The following DCLK1 variants were observed in gnomAD, a reference collection of about 807,000 sequenced individuals.
DCLK1 encodes serine/threonine-protein kinase DCLK1.
DCLK1 carries 16 observed loss-of-function variants against 86.2 expected under a neutral mutation model. That is an observed-to-expected ratio of 0.19 (90% CI 0.13 to 0.28). The LOEUF (loss-of-function observed/expected upper bound fraction) is 0.28. Ranked by LOEUF, DCLK1 falls within the 10% of genes least tolerant of loss-of-function variation. The probability of loss-of-function intolerance (pLI) is 1.00; values close to 1 mark genes in which losing one functional copy is unlikely to be tolerated. For synonymous variants in DCLK1, 369 were observed against 370.5 expected (o/e 1.00, Z 0.05); for missense variants, 590 against 940.2 (o/e 0.63, Z 4.87).
intron 3 of DCLK1, among the ~76,000 whole-genome samples, chr13:35,980,107 G>A (rs1284089971): frequency 1.3e-5 from 2 of 152,082 alleles, no homozygotes; most frequent in African/African-American, 2.4e-5. Flanking sequence ...CATCACCACC[G>A]CTGGTCTTCA....
rs114201115 is a variant in DCLK1, at chr13:35,900,550, A to G, written c.824-29210T>C. On this transcript the variant is annotated intron_variant, in intron 4 of 16. Transcript: ENST00000360631. ...ATGAGCCACCATGCTGGGCCTAAATAAACATTTTATAAAAACTACTCACCA... is the reference window on the plus strand; with the variant it reads ...ATGAGCCACCATGCTGGGCCTAAATGAACATTTTATAAAAACTACTCACCA... Among the ~76,000 whole-genome samples the G allele has an allele frequency of 9.4e-3, 1,435 of 152,218 alleles. 25 individuals are homozygous for G. The highest frequency in any genetic ancestry group is 0.032 in the African/African-American group (1,336 of 41,540).
At chr13:35,999,111 TG>T (rs527824525) in intron 3 of DCLK1, among the ~76,000 whole-genome samples, 3 of 152,008 alleles carry the variant, frequency 2.0e-5, no homozygotes, top group Non-Finnish European at 4.4e-5. Flanking sequence ...AAAAATTAAC[TG>T]AATGCAGTAG....
chr13:35,966,398 G>A lies in DCLK1; in HGVS notation c.724-18941C>T, dbSNP rs540147801. ...AGTAGAAACAATCCAAATATTCATT[G>A]ATGGATGAATGGATAAACAAAATAT... On this transcript the variant is annotated intron_variant, in intron 3 of 16. Transcript: ENST00000360631. 8.5e-5 allele frequency among the ~76,000 whole-genome samples: 13 copies of A among 152,266 alleles called. 1 individual carries two copies. In the South Asian group the frequency reaches 2.3e-3, roughly 27 times the overall value.
At chr13:35,875,657 T>C (rs1872546916) in intron 4 of DCLK1, among the ~76,000 whole-genome samples, 1 of 152,208 alleles carries the variant, frequency 6.6e-6, no homozygotes, top group Non-Finnish European at 1.5e-5. Flanking sequence ...TTGCTTCTCC[T>C]GAACTGAGTT....
chr13:35,923,988 G>C (rs1875954306), intron 4 of DCLK1, among the ~76,000 whole-genome samples: 1 of 152,148 alleles, frequency 6.6e-6, no homozygotes, highest in East Asian at 1.9e-4. Context: ...ATAAGGATCT[G>C]GGTATTTCAG....
intron 4 of DCLK1, among the ~76,000 whole-genome samples, chr13:35,922,880 C>T (rs1202763463): frequency 1.3e-5 from 2 of 152,142 alleles, no homozygotes; most frequent in African/African-American, 4.8e-5. Context: ...TCTAAGCCCC[C>T]TGCCATCCCT....
At chr13:35,843,706 G>A (rs1869982490) in intron 6 of DCLK1, among the ~76,000 whole-genome samples, 1 of 152,148 alleles carries the variant, frequency 6.6e-6, no homozygotes, top group South Asian at 2.1e-4. Flanking sequence ...CTGGATAATT[G>A]CACCATTTCC....
At chr13:36,120,009 A>G (rs1240200047) in intron 2 of DCLK1, among the ~76,000 whole-genome samples, 2 of 152,232 alleles carry the variant, frequency 1.3e-5, no homozygotes, top group Non-Finnish European at 2.9e-5. Context: ...ATCTGAAAAT[A>G]TAATGTTAAA....
At chr13:35,894,719 T>G (rs908107434) in intron 4 of DCLK1, among the ~76,000 whole-genome samples, 3 of 151,948 alleles carry the variant, frequency 2.0e-5, no homozygotes, top group African/African-American at 7.3e-5. Flanking sequence ...TTGTTGAGAG[T>G]CTTCTTCCCT....
rs556427441 is a variant in DCLK1 at position 35,824,164 on chromosome 13, T to C, written c.1408-1289A>G. ...TTCCACCAGTCCCAGTTATCTGGGC[T>C]CCTGGCATCTTGTAATGTCCTTTTT... is the stretch of plus-strand genomic sequence containing the variant. On this transcript the variant is annotated intron_variant, in intron 10 of 16. Transcript: ENST00000360631. Among the ~76,000 whole-genome samples the C allele has an allele frequency of 3.1e-3, 476 of 152,224 alleles. 7 individuals carry two copies. Among genetic ancestry groups the C allele is most frequent in the Middle Eastern group, 0.01 (3 of 294 alleles).
chr13:36,018,664 C>T (rs557282795), intron 3 of DCLK1, among the ~76,000 whole-genome samples: 116 of 152,202 alleles, frequency 7.6e-4, no homozygotes, highest in African/African-American at 2.7e-3. Context: ...TAAAGATTTT[C>T]TCATGGATAA....
intron 3 of DCLK1, among the ~76,000 whole-genome samples, chr13:36,086,420 C>T (rs955227524): frequency 2.0e-5 from 3 of 150,214 alleles, no homozygotes; most frequent in Non-Finnish European, 3.0e-5. Context: ...CTGGCTGGCA[C>T]TACAGCTGGA....
intron 3 of DCLK1, among the ~76,000 whole-genome samples, chr13:36,098,469 A>G (rs1293144217): frequency 6.6e-6 from 1 of 152,224 alleles, no homozygotes; most frequent in Non-Finnish European, 1.5e-5. Context: ...CAGTGGGGTC[A>G]TTCACACTGG....
In DCLK1 at chr13:35,827,782, A is replaced by G. The variant is rs925983413; in HGVS notation, c.1288-28T>C. 4 of 1,611,450 alleles carry G rather than the reference A, an allele frequency of 2.5e-6. No homozygotes were observed. The African/African-American group carries it at 4.0e-5, about 16-fold the overall frequency. On this transcript the variant is annotated intron_variant, in intron 9 of 16. Coordinates refer to ENST00000360631, the MANE Select transcript of DCLK1 (RefSeq NM_001330071.2). Reference sequence around the variant, plus strand: ...GTCCAAAGGAAAAGTTATCTTCATCAGCTTCCATAAAACATGTGGAGGGCT... The same window carrying G: ...GTCCAAAGGAAAAGTTATCTTCATCGGCTTCCATAAAACATGTGGAGGGCT...
chr13:35,911,189 G>A (rs1875007430), intron 4 of DCLK1, among the ~76,000 whole-genome samples: 1 of 151,764 alleles, frequency 6.6e-6, no homozygotes, highest in Admixed American at 6.6e-5. Context: ...AGCTACTTGG[G>A]AGGTTGAGGC....
intron 3 of DCLK1, among the ~76,000 whole-genome samples, chr13:36,024,458 A>G (rs1463076184): frequency 1.3e-5 from 2 of 152,214 alleles, no homozygotes; most frequent in African/African-American, 2.4e-5. Context: ...CTAAAAATAA[A>G]TTTAAGGAAC....
intron 3 of DCLK1, among the ~76,000 whole-genome samples, chr13:36,006,213 G>A (rs1027346798): frequency 6.6e-6 from 1 of 152,160 alleles, no homozygotes; most frequent in Admixed American, 6.5e-5. Flanking sequence ...GAAACTTTTA[G>A]GGAAATCATG....
chr13:36,020,801 G>T (rs1036915065), intron 3 of DCLK1, among the ~76,000 whole-genome samples: 1 of 151,492 alleles, frequency 6.6e-6, no homozygotes, highest in Admixed American at 6.6e-5. Flanking sequence ...CAAAAACAAA[G>T]AAAAACCCCA....
intron 5 of DCLK1, chr13:35,855,935 T>TC: frequency 6.1e-6 from 5 of 825,760 alleles, no homozygotes; most frequent in Non-Finnish European, 7.4e-6. Context: ...GCCTGGTGAC[T>TC]ACCAGGTAAT....
Sources: allele counts gnomAD v4.1 joint callset (sites outside exome capture counted in the v4.1 genomes callset), GRCh38; gene constraint gnomAD v4.1.1; transcripts MANE v1.5; gene names NCBI Gene and HGNC (gene_info 2026-07-23, HGNC 2026-07-21).